KLHL6: variants seen among roughly 807,000 people sequenced by gnomAD.
The protein encoded by KLHL6 is kelch like family member 6, also known as kelch-like protein 6.
Under a neutral mutation model 58.6 loss-of-function variants are expected in KLHL6, and 41 were observed. The ratio of observed to expected loss-of-function variants is 0.70; its 90% CI spans 0.55 to 0.91. The LOEUF (loss-of-function observed/expected upper bound fraction) is 0.91. Ranked by LOEUF, KLHL6 falls within the 40% of genes least tolerant of loss-of-function variation. The probability of loss-of-function intolerance (pLI) is 0.00; values close to 1 mark genes in which losing one functional copy is unlikely to be tolerated. For synonymous variants in KLHL6, 338 were observed against 322.7 expected (o/e 1.05, Z -0.51); for missense variants, 714 against 805.6 (o/e 0.89, Z 1.38).
intron 2 of KLHL6, among the ~76,000 whole-genome samples, chr3:183,510,040 G>T (rs1718137129): frequency 6.6e-6 from 1 of 152,102 alleles, no homozygotes; most frequent in South Asian, 2.1e-4. Flanking sequence ...AAAAATTCAA[G>T]TCCCTTGTGC....
chr3:183,491,875 T>C lies in KLHL6; in HGVS notation c.*52A>G, dbSNP rs1359437369. On this transcript the variant is annotated 3_prime_UTR_variant, in exon 7 of 7. Transcript: ENST00000341319. ...AGTGGGACTGGAGGAGGGTGAGAGG[T>C]GAGGCGGGTACGCTGAGGGTCGGGG... is the stretch of plus-strand genomic sequence containing the variant. 1 of 1,412,732 alleles carries C rather than the reference T, an allele frequency of 7.1e-7. No homozygotes were observed. The highest frequency in any genetic ancestry group is 2.7e-5 in the Admixed American group (1 of 36,788). The allele number at this position is 1,412,732 out of a possible 1,614,324, so 87.5% of individuals were successfully genotyped here. A position where few individuals can be genotyped will look rare whatever the true frequency, so the allele number is the denominator to read the frequency against.
intron 2 of KLHL6, among the ~76,000 whole-genome samples, chr3:183,511,188 G>A (rs1284733828): frequency 6.6e-6 from 1 of 152,178 alleles, no homozygotes; most frequent in Non-Finnish European, 1.5e-5. Flanking sequence ...GAAAACATGT[G>A]AGCAAAGGAA....
intron 2 of KLHL6, among the ~76,000 whole-genome samples, chr3:183,519,534 A>G (rs909893763): frequency 1.3e-4 from 20 of 152,172 alleles, no homozygotes; most frequent in African/African-American, 4.8e-5. Flanking sequence ...GTCACTACCT[A>G]TGATTTCTGC....
At chr3:183,507,912 G>A in intron 3 of KLHL6, 147 bp downstream of exon 3, 1 of 679,902 alleles carries the variant, frequency 1.5e-6, no homozygotes, top group Non-Finnish European at 2.5e-6. Context: ...AGGGCTTCTG[G>A]AACTGACCGA....
chr3:183,547,217 A>G (rs1488319635), intron 1 of KLHL6, among the ~76,000 whole-genome samples: 1 of 152,080 alleles, frequency 6.6e-6, no homozygotes, highest in Non-Finnish European at 1.5e-5. Context: ...CCGACCTCAG[A>G]GTCTTTATTT....
chr3:183,551,161 T>C (rs779380820), intron 1 of KLHL6, among the ~76,000 whole-genome samples: 1 of 151,794 alleles, frequency 6.6e-6, no homozygotes, highest in Non-Finnish European at 1.5e-5. Context: ...ATGCACTCTT[T>C]CTTAGGAAGT....
chr3:183,534,819 T>C (rs764703920), intron 1 of KLHL6, among the ~76,000 whole-genome samples: 1 of 152,006 alleles, frequency 6.6e-6, no homozygotes, highest in Non-Finnish European at 1.5e-5. Flanking sequence ...TTAAAATGAC[T>C]AATGCGATAA....
At chr3:183,542,438 A>G (rs942011903) in intron 1 of KLHL6, among the ~76,000 whole-genome samples, 6 of 151,844 alleles carry the variant, frequency 4.0e-5, no homozygotes, top group Non-Finnish European at 8.8e-5. Flanking sequence ...ACTGCGTGGC[A>G]CCTTCCCGGA....
intron 1 of KLHL6, among the ~76,000 whole-genome samples, chr3:183,552,783 C>CTA (rs201879673): frequency 0.013 from 1,959 of 149,772 alleles, 35 homozygotes; most frequent in African/African-American, 0.046. Flanking sequence ...CCTCCCTAAA[C>CTA]CTGAGCATAC....
chr3:183,538,443 T>C (rs776547041), intron 1 of KLHL6, among the ~76,000 whole-genome samples: 9 of 152,220 alleles, frequency 5.9e-5, no homozygotes, highest in Non-Finnish European at 8.8e-5. Context: ...TCCCCGTTTA[T>C]ACCAGGAACG....
intron 1 of KLHL6, among the ~76,000 whole-genome samples, chr3:183,534,906 GTATGTATA>G (rs1413692667): frequency 6.8e-6 from 1 of 146,978 alleles, no homozygotes; most frequent in Non-Finnish European, 1.5e-5. Flanking sequence ...ATGTATGTAT[GTATGTATA>G]TATGTATGCA....
chr3:183,493,680 C>A (rs993642486), intron 5 of KLHL6: 7 of 195,378 alleles, frequency 3.6e-5, no homozygotes, highest in Non-Finnish European at 7.4e-5. Context: ...ACTCTGGGTT[C>A]ATAAACGGTG....
intron 2 of KLHL6, among the ~76,000 whole-genome samples, chr3:183,508,945 A>G (rs977355195): frequency 6.6e-6 from 1 of 152,246 alleles, no homozygotes; most frequent in Non-Finnish European, 1.5e-5. Flanking sequence ...ATTGGATCTG[A>G]TTAAGCCTCT....
chr3:183,527,097 T>TAAAAAA lies in KLHL6; in HGVS notation c.459+742_459+747dup, dbSNP rs572178014. Among the ~76,000 whole-genome samples, 3 of 135,548 alleles carry TAAAAAA rather than the reference T, an allele frequency of 2.2e-5. No homozygotes were observed. In the Admixed American group the frequency reaches 2.3e-4, roughly 10 times the overall value. The allele number at this position is 135,548 out of a possible 152,430, so 88.9% of individuals were successfully genotyped here. On this transcript the variant is annotated intron_variant, in intron 2 of 6. Coordinates refer to ENST00000341319, the MANE Select transcript of KLHL6 (RefSeq NM_130446.4). ...CTGGGCGTCACAGCGAGACTCTCTC[T>TAAAAAA]AAAAAAAAAAACAAAAACAAAAACA...
intron 1 of KLHL6, among the ~76,000 whole-genome samples, chr3:183,544,365 AT>A (rs1712650918): frequency 6.6e-6 from 1 of 152,164 alleles, no homozygotes; most frequent in Admixed American, 6.5e-5. Flanking sequence ...CACCAAAAGC[AT>A]TTAAGAAGGC....
intron 1 of KLHL6, among the ~76,000 whole-genome samples, chr3:183,531,543 G>A (rs761761144): frequency 1.4e-4 from 20 of 140,350 alleles, no homozygotes; most frequent in Non-Finnish European, 2.6e-4. Context: ...TCCACCTCCC[G>A]GGTTCACGCC....
rs763841962 is a variant in KLHL6 at position 183,508,082 on chromosome 3, T to C, written c.886A>G (p.Met296Val). The C allele has an allele frequency of 3.1e-6, 5 of 1,613,966 alleles. No individual in the cohort carries two copies. In the African/African-American group the frequency reaches 5.3e-5, roughly 17 times the overall value. The change falls in exon 3 of 7, where the codon ATG becomes GTG. Residue 296 changes from methionine to valine, a missense_variant. By Grantham distance (21) the Met-to-Val change is conservative (BLOSUM62 1). Transcript: ENST00000341319. ...ACCTCATTGCCAGAAAGGTGGTACATCCTGGCTTCCTGGAGCAGCGGGAAG... is the reference window on the plus strand; with the variant it reads ...ACCTCATTGCCAGAAAGGTGGTACACCCTGGCTTCCTGGAGCAGCGGGAAG... The part of the protein sequence containing the change: ...EVFPLLQEAR[M>V]YHLSGNEIIS...
chr3:183,525,374 A>G (rs1215007550), intron 2 of KLHL6, among the ~76,000 whole-genome samples: 2 of 152,082 alleles, frequency 1.3e-5, no homozygotes, highest in African/African-American at 4.8e-5. Context: ...TCATAGCTCA[A>G]TGTCAGCCCC....
chr3:183,548,047 G>A (rs1050651728), intron 1 of KLHL6, among the ~76,000 whole-genome samples: 5 of 152,176 alleles, frequency 3.3e-5, no homozygotes, highest in African/African-American at 1.2e-4. Context: ...TATGTCTGGG[G>A]GCTGAGCTGA....
Sources: gnomAD v4.1 joint callset for allele counts (sites outside exome capture counted in the v4.1 genomes callset) on GRCh38, gnomAD v4.1.1 for gene constraint, MANE v1.5 for transcripts, NCBI Gene and HGNC (gene_info 2026-07-23, HGNC 2026-07-21) for gene names.